Variants in VPS39 observed in about 807,000 individuals in gnomAD.
VPS39 encodes the protein vam6/Vps39-like protein.
Under a neutral mutation model 121.0 loss-of-function variants are expected in VPS39, and 70 were observed. That is an observed-to-expected ratio of 0.58 (90% CI 0.48 to 0.71). The LOEUF (loss-of-function observed/expected upper bound fraction) is 0.71. Ranked by LOEUF, VPS39 falls within the 30% of genes least tolerant of loss-of-function variation. The pLI is 0.00. For synonymous variants in VPS39, 378 were observed against 398.1 expected (o/e 0.95, Z 0.60); for missense variants, 818 against 1,051.5 (o/e 0.78, Z 3.07).
intron 4 of VPS39, 26 bp downstream of exon 4, chr15:42,191,099 G>T (rs1456773930): frequency 6.2e-7 from 1 of 1,612,038 alleles, no homozygotes; most frequent in South Asian, 1.1e-5. Flanking sequence ...TTAGACACAG[G>T]ATACAAATGC....
chr15:42,201,933 G>C (rs602270), intron 1 of VPS39, among the ~76,000 whole-genome samples: 12,021 of 152,252 alleles, frequency 0.079, 1,285 homozygotes, highest in African/African-American at 0.23. Context: ...AAACGCATCT[G>C]TTATTTCACT....
intron 1 of VPS39, among the ~76,000 whole-genome samples, chr15:42,202,027 T>A (rs1353509914): frequency 2.6e-5 from 4 of 152,218 alleles, no homozygotes; most frequent in African/African-American, 9.7e-5. Flanking sequence ...AGGGAATATA[T>A]AACTTTTCCA....
At chr15:42,177,290 C>T (rs1384751315) in intron 10 of VPS39, among the ~76,000 whole-genome samples, 1 of 152,082 alleles carries the variant, frequency 6.6e-6, no homozygotes, top group African/African-American at 2.4e-5. Flanking sequence ...AAATCCACCC[C>T]CTACAGATGA....
At chr15:42,180,352 C>T (rs1032551834) in intron 8 of VPS39, among the ~76,000 whole-genome samples, 2 of 152,216 alleles carry the variant, frequency 1.3e-5, no homozygotes, top group Non-Finnish European at 2.9e-5. Flanking sequence ...TTGGGTTATA[C>T]TCCTTTTCTT....
chr15:42,196,683 G>T (rs1442486908), intron 2 of VPS39, among the ~76,000 whole-genome samples: 1 of 152,202 alleles, frequency 6.6e-6, no homozygotes, highest in Non-Finnish European at 1.5e-5. Context: ...AACAGGTGCT[G>T]GAGAGGATGT....
chr15:42,174,681 C>A (rs1465522445), intron 10 of VPS39, among the ~76,000 whole-genome samples: 1 of 152,054 alleles, frequency 6.6e-6, no homozygotes, highest in Non-Finnish European at 1.5e-5. Context: ...TGAGACATAA[C>A]GGATGAGTTG....
chr15:42,204,904 A>T lies in VPS39; in HGVS notation c.73+3177T>A, dbSNP rs375555535. Among the ~76,000 whole-genome samples, 66 of 152,278 alleles carry T rather than the reference A, an allele frequency of 4.3e-4. No individual in the cohort carries two copies. In the South Asian group the frequency reaches 0.014, roughly 32 times the overall value. On this transcript the variant is annotated intron_variant, in intron 1 of 24. Coordinates refer to ENST00000318006, the MANE Select transcript of VPS39 (RefSeq NM_015289.5). ...TACAGATACTCATATATACATGTGA[A>T]GTCTGCATTTTTTACAGGCTTTGAA...
At chr15:42,192,035 A>T (rs748300741) in intron 2 of VPS39, 2 of 1,535,952 alleles carry the variant, frequency 1.3e-6, no homozygotes, top group Admixed American at 2.0e-5. Context: ...CCATCTCCAG[A>T]GCTAAAGCAA....
intron 1 of VPS39, among the ~76,000 whole-genome samples, chr15:42,203,818 C>A (rs2050116040): frequency 6.6e-6 from 1 of 152,200 alleles, no homozygotes; most frequent in Non-Finnish European, 1.5e-5. Context: ...CGTTATTTAA[C>A]AAAGCTGTGC....
At chr15:42,207,935 TCTGC>T in intron 1 of VPS39, 142 bp downstream of exon 1, 1 of 825,396 alleles carries the variant, frequency 1.2e-6, no homozygotes, top group South Asian at 1.7e-5. Flanking sequence ...TGGTCATCTC[TCTGC>T]CTTCTCTCAT....
At chr15:42,188,446 A>G (rs936707226) in intron 5 of VPS39, among the ~76,000 whole-genome samples, 2 of 152,168 alleles carry the variant, frequency 1.3e-5, no homozygotes, top group African/African-American at 4.8e-5. Flanking sequence ...AATGACAAAG[A>G]CCTCAGTGAT....
chr15:42,204,891 T>C (rs1258795372), intron 1 of VPS39, among the ~76,000 whole-genome samples: 1 of 152,118 alleles, frequency 6.6e-6, no homozygotes, highest in Non-Finnish European at 1.5e-5. Context: ...CAGATACTCA[T>C]ATATACATGT....
intron 1 of VPS39, among the ~76,000 whole-genome samples, chr15:42,203,194 G>T (rs966740772): frequency 6.6e-6 from 1 of 152,068 alleles, no homozygotes; most frequent in East Asian, 1.9e-4. Flanking sequence ...TAGGCCGAGT[G>T]TGGTTGGCTC....
intron 6 of VPS39, 145 bp from the exon 7 acceptor site, chr15:42,187,508 C>G: frequency 1.3e-6 from 1 of 796,314 alleles, no homozygotes; most frequent in Non-Finnish European, 2.0e-6. Flanking sequence ...AGGAAACTAC[C>G]CTTAATAAAA....
At chr15:42,183,318 T>C (rs559285836) in intron 8 of VPS39, among the ~76,000 whole-genome samples, 3 of 152,074 alleles carry the variant, frequency 2.0e-5, no homozygotes, top group African/African-American at 7.2e-5. Flanking sequence ...CCCAGGCTGA[T>C]TGTGAACTCC....
intron 12 of VPS39, among the ~76,000 whole-genome samples, chr15:42,168,782 G>A (rs1011681220): frequency 7.9e-5 from 12 of 152,064 alleles, no homozygotes; most frequent in African/African-American, 2.7e-4. Context: ...GACCTCAGGT[G>A]ATCTTCTGTC....
intron 2 of VPS39, among the ~76,000 whole-genome samples, chr15:42,196,349 C>T (rs576613410): frequency 3.3e-4 from 50 of 152,160 alleles, no homozygotes; most frequent in African/African-American, 1.2e-3. Flanking sequence ...AGAGCTTCTG[C>T]ACAGCAAAAG....
rs142437559 is a variant in VPS39 at position 42,165,076 on chromosome 15, C to T, written c.1817G>A (p.Arg606Gln). The change falls in exon 18 of 25, where the codon CGG becomes CAG. Residue 606 changes from arginine to glutamine, a missense_variant. By Grantham distance (43) the Arg-to-Gln change is conservative. Coordinates refer to ENST00000318006, the MANE Select transcript of VPS39 (RefSeq NM_015289.5). ...IIHVWEETGS[R>Q]FHNCLIQLYC... ...TAGCTGGATCAGGCAGTTGTGGAAC[C>T]GAGAGCCTGTCTCCTCCCAAACATG... The T allele has an allele frequency of 1.5e-5, 24 of 1,614,066 alleles. No individual in the cohort carries two copies. Among genetic ancestry groups the T allele is most frequent in the Admixed American group, 6.7e-5 (4 of 60,008 alleles).
chr15:42,208,275 C>G lies in VPS39; in HGVS notation c.-122G>C, dbSNP rs750029922. On this transcript the variant is annotated 5_prime_UTR_variant, in exon 1 of 25. Coordinates refer to ENST00000318006, the MANE Select transcript of VPS39 (RefSeq NM_015289.5). ...CGGCCAGGAACCCCCCGGCTACAGGCCCTTCAACAACACAGCCATCGTCAA... is the reference window on the plus strand; with the variant it reads ...CGGCCAGGAACCCCCCGGCTACAGGGCCTTCAACAACACAGCCATCGTCAA... 2.2e-5 allele frequency: 29 copies of G among 1,303,760 alleles called. No homozygotes were observed. The highest frequency in any genetic ancestry group is 5.1e-5 in the East Asian group (2 of 38,924). 80.8% of individuals were successfully genotyped at this position (1,303,760 alleles called of 1,614,324 possible).
Sources: gnomAD v4.1 joint callset for allele counts (sites outside exome capture counted in the v4.1 genomes callset) on GRCh38, gnomAD v4.1.1 for gene constraint, MANE v1.5 for transcripts, NCBI Gene and HGNC (gene_info 2026-07-23, HGNC 2026-07-21) for gene names.